Variants in NKAIN2 observed in about 807,000 individuals in gnomAD.
NKAIN2 encodes the protein sodium/potassium-transporting ATPase subunit beta-1-interacting protein 2.
NKAIN2 carries 14 observed loss-of-function variants against 32.6 expected under a neutral mutation model. The observed-to-expected ratio is 0.43, with a 90% CI of 0.28 to 0.67. The LOEUF (loss-of-function observed/expected upper bound fraction) is 0.67, where lower values mean the gene tolerates loss of function less well. NKAIN2 is among the 30% of genes least tolerant of loss of function. The pLI is 0.17. For synonymous variants in NKAIN2, 80 were observed against 87.2 expected (o/e 0.92, Z 0.46); for missense variants, 198 against 258.3 (o/e 0.77, Z 1.60).
chr6:124,321,793 C>T (rs1343620377), intron 2 of NKAIN2, among the ~76,000 whole-genome samples: 1 of 151,994 alleles, frequency 6.6e-6, no homozygotes, highest in South Asian at 2.1e-4. Flanking sequence ...CATTTAGAGG[C>T]AATAAAAACA....
chr6:123,899,892 G>C (rs1434143469), intron 1 of NKAIN2, among the ~76,000 whole-genome samples: 1 of 152,110 alleles, frequency 6.6e-6, no homozygotes, highest in African/African-American at 2.4e-5. Context: ...TCCTGGGCAG[G>C]GAACACTGTC....
chr6:124,662,621 A>C (rs944491757), intron 4 of NKAIN2, among the ~76,000 whole-genome samples: 12 of 152,184 alleles, frequency 7.9e-5, no homozygotes, highest in African/African-American at 2.9e-4. Flanking sequence ...TGTTGTTAAT[A>C]ATTTATGTTT....
chr6:124,277,089 A>C (rs1582974226), intron 1 of NKAIN2, among the ~76,000 whole-genome samples: 2 of 152,156 alleles, frequency 1.3e-5, no homozygotes, highest in East Asian at 3.9e-4. Flanking sequence ...GAAGGAACAA[A>C]ATTTTACATG....
chr6:124,326,153 T>C (rs889066481), intron 2 of NKAIN2, among the ~76,000 whole-genome samples: 5 of 151,716 alleles, frequency 3.3e-5, no homozygotes, highest in African/African-American at 7.2e-5. Context: ...GAAGGATTTT[T>C]TTTTTCGTCT....
chr6:124,107,746 C>G (rs963971446), intron 1 of NKAIN2, among the ~76,000 whole-genome samples: 2 of 152,146 alleles, frequency 1.3e-5, no homozygotes, highest in South Asian at 2.1e-4. Flanking sequence ...CCCTCTGCTT[C>G]TAGGAGTTTT....
chr6:124,164,042 T>TA (rs1030827778), intron 1 of NKAIN2, among the ~76,000 whole-genome samples: 2 of 152,034 alleles, frequency 1.3e-5, no homozygotes, highest in African/African-American at 2.4e-5. Context: ...GTTTGCTTTT[T>TA]AAAAAAAATT....
At chr6:124,272,935 C>T (rs772772022) in intron 1 of NKAIN2, among the ~76,000 whole-genome samples, 6 of 152,184 alleles carry the variant, frequency 3.9e-5, no homozygotes, top group East Asian at 3.9e-4. Flanking sequence ...GCACATTTCT[C>T]GCATTTGGAA....
intron 4 of NKAIN2, among the ~76,000 whole-genome samples, chr6:124,751,000 C>T (rs1259032296): frequency 1.3e-5 from 2 of 152,016 alleles, no homozygotes; most frequent in Non-Finnish European, 2.9e-5. Context: ...GCAAAATGAT[C>T]ACACAGGAAA....
intron 3 of NKAIN2, among the ~76,000 whole-genome samples, chr6:124,653,489 C>T (rs1784438454): frequency 6.8e-6 from 1 of 147,534 alleles, no homozygotes; most frequent in African/African-American, 2.5e-5. Flanking sequence ...AACCTTGTGT[C>T]CTTGACAAAA....
intron 1 of NKAIN2, among the ~76,000 whole-genome samples, chr6:124,037,951 T>A (rs1283047454): frequency 6.6e-6 from 1 of 152,124 alleles, no homozygotes; most frequent in East Asian, 1.9e-4. Context: ...GGGCAAAATT[T>A]AGAAGTTAGC....
chr6:124,103,943 T>C (rs1453371024), intron 1 of NKAIN2, among the ~76,000 whole-genome samples: 5 of 151,926 alleles, frequency 3.3e-5, no homozygotes, highest in Non-Finnish European at 7.4e-5. Flanking sequence ...AAAAATTAGC[T>C]AGGCATGGTG....
intron 1 of NKAIN2, among the ~76,000 whole-genome samples, chr6:124,018,970 C>T (rs1780729757): frequency 6.6e-6 from 1 of 152,174 alleles, no homozygotes; most frequent in East Asian, 1.9e-4. Flanking sequence ...AATGGATTCA[C>T]AGTTCCACAT....
At chr6:124,590,744 G>A (rs557044511) in intron 3 of NKAIN2, among the ~76,000 whole-genome samples, 4 of 140,780 alleles carry the variant, frequency 2.8e-5, no homozygotes, top group Non-Finnish European at 3.2e-5. Context: ...TACAGGCTTC[G>A]CAGGGGTTTG....
intron 1 of NKAIN2, among the ~76,000 whole-genome samples, chr6:123,812,007 C>A (rs2114865192): frequency 6.6e-6 from 1 of 152,290 alleles, no homozygotes; most frequent in African/African-American, 2.4e-5. Context: ...GACACTAGTT[C>A]AGCAAGACAT....
intron 4 of NKAIN2, among the ~76,000 whole-genome samples, chr6:124,725,755 G>A (rs370749873): frequency 5.9e-5 from 9 of 152,314 alleles, no homozygotes; most frequent in South Asian, 2.1e-4. Flanking sequence ...CAGTGTGAGC[G>A]ACGCAGAAGA....
At chr6:123,921,051 A>G (rs1775728996) in intron 1 of NKAIN2, among the ~76,000 whole-genome samples, 1 of 152,154 alleles carries the variant, frequency 6.6e-6, no homozygotes, top group South Asian at 2.1e-4. Flanking sequence ...TTGTAATAGT[A>G]TTTTCTCACA....
At chr6:123,882,136 A>G (rs1773484217) in intron 1 of NKAIN2, among the ~76,000 whole-genome samples, 1 of 152,076 alleles carries the variant, frequency 6.6e-6, no homozygotes, top group South Asian at 2.1e-4. Context: ...ACCTCCGCAT[A>G]TTACTCACTT....
chr6:124,361,555 A>G (rs890758881), intron 3 of NKAIN2, among the ~76,000 whole-genome samples: 1 of 152,072 alleles, frequency 6.6e-6, no homozygotes, highest in African/African-American at 2.4e-5. Context: ...ATAGTAACAG[A>G]AATTTATACC....
chr6:124,300,587 T>C (rs557818411), intron 2 of NKAIN2, among the ~76,000 whole-genome samples: 31 of 152,158 alleles, frequency 2.0e-4, no homozygotes, highest in Non-Finnish European at 3.7e-4. Flanking sequence ...CAGAAGAAGA[T>C]AAGAAAATGT....
Sources: gnomAD v4.1 joint callset for allele counts (sites outside exome capture counted in the v4.1 genomes callset) on GRCh38, gnomAD v4.1.1 for gene constraint, MANE v1.5 for transcripts, NCBI Gene and HGNC (gene_info 2026-07-23, HGNC 2026-07-21) for gene names.